The following CCDC126 variants were observed in gnomAD, a reference collection of about 807,000 sequenced individuals.
The protein encoded by CCDC126 is coiled-coil domain containing 126, also known as coiled-coil domain-containing protein 126.
CCDC126 carries 5 observed loss-of-function variants against 11.7 expected under a neutral mutation model. The observed-to-expected ratio is 0.43, with a 90% CI of 0.22 to 0.90. The LOEUF is 0.90. CCDC126 is among the 40% of genes least tolerant of loss of function. The probability of loss-of-function intolerance (pLI) is 0.27; values close to 1 mark genes in which losing one functional copy is unlikely to be tolerated. For missense variants in CCDC126, 150 were observed against 163.1 expected (o/e 0.92, Z 0.44); for synonymous variants, 60 against 61.9 (o/e 0.97, Z 0.14).
intron 3 of CCDC126, among the ~76,000 whole-genome samples, chr7:23,637,800 A>C (rs1296182230): frequency 7.4e-5 from 1 of 13,532 alleles, no homozygotes; most frequent in South Asian, 3.4e-3. Flanking sequence ...GGAGGCGGGG[A>C]GGGGGGGGTC....
intron 3 of CCDC126, among the ~76,000 whole-genome samples, chr7:23,641,980 G>C (rs1480132130): frequency 6.6e-6 from 1 of 152,152 alleles, no homozygotes; most frequent in Admixed American, 6.5e-5. Context: ...TTCTTAGCTA[G>C]CTTTTTAGTT....
At chr7:23,620,211 G>A (rs1185203668) in intron 3 of CCDC126, among the ~76,000 whole-genome samples, 5 of 152,288 alleles carry the variant, frequency 3.3e-5, no homozygotes, top group Non-Finnish European at 5.9e-5. Context: ...GTGTAAAAGT[G>A]TTCCTATTTC....
chr7:23,617,129 C>A (rs1782806415), intron 3 of CCDC126, among the ~76,000 whole-genome samples: 1 of 151,842 alleles, frequency 6.6e-6, no homozygotes, highest in Non-Finnish European at 1.5e-5. Context: ...AGGTGGGTCA[C>A]TTGACGTTAG....
At chr7:23,633,780 G>A (rs1783156641) in intron 3 of CCDC126, among the ~76,000 whole-genome samples, 2 of 152,030 alleles carry the variant, frequency 1.3e-5, no homozygotes, top group Non-Finnish European at 2.9e-5. Context: ...CCTGAGCCCC[G>A]AGGTCGAGGC....
intron 2 of CCDC126, among the ~76,000 whole-genome samples, chr7:23,607,036 C>T (rs780298187): frequency 2.0e-5 from 3 of 152,136 alleles, no homozygotes; most frequent in Non-Finnish European, 4.4e-5. Context: ...AAGGCCGAGG[C>T]TGCAGTGAGC....
In CCDC126 at chr7:23,639,562, A is replaced by G. The variant is rs183707268; in HGVS notation, c.239-3369A>G. Among the ~76,000 whole-genome samples, 371 of 152,338 alleles carry G rather than the reference A, an allele frequency of 2.4e-3. 5 individuals carry two copies. Among genetic ancestry groups the G allele is most frequent in the South Asian group, 0.021 (100 of 4,826 alleles). ...CTTTTTGGTACCATCTGAAAGAAGT[A>G]TATATCATGATATTTCATTCCTGGG... On this transcript the variant is annotated intron_variant, in intron 3 of 3. Coordinates refer to ENST00000307471, the MANE Select transcript of CCDC126 (RefSeq NM_138771.4).
intron 3 of CCDC126, among the ~76,000 whole-genome samples, chr7:23,637,618 T>C (rs566962356): frequency 0.09 from 323 of 3,576 alleles, 4 homozygotes; most frequent in African/African-American, 0.16. Context: ...AGTGAGGAGC[T>C]CCTCTGCCCG....
chr7:23,603,095 TCTTTTTTCTGGAAGTGTGTTATCA>T (rs1455201005), intron 2 of CCDC126, among the ~76,000 whole-genome samples: 1 of 152,174 alleles, frequency 6.6e-6, no homozygotes, highest in Non-Finnish European at 1.5e-5. Flanking sequence ...CACCTCCAAT[TCTTTTTTCTGGAAGTGTGTTATCA>T]CTATGTTTAC....
intron 3 of CCDC126, among the ~76,000 whole-genome samples, chr7:23,640,116 G>A (rs1783327351): frequency 6.6e-6 from 1 of 152,048 alleles, no homozygotes; most frequent in Non-Finnish European, 1.5e-5. Context: ...CTGGGAGGTG[G>A]AGGTTGCAGT....
intron 2 of CCDC126, among the ~76,000 whole-genome samples, chr7:23,609,635 A>G (rs956853415): frequency 6.6e-6 from 1 of 152,178 alleles, no homozygotes; most frequent in African/African-American, 2.4e-5. Context: ...TGGGAGGCTG[A>G]GGCAGGTGGA....
At chr7:23,642,329 G>A (rs1783376829) in intron 3 of CCDC126, among the ~76,000 whole-genome samples, 1 of 152,052 alleles carries the variant, frequency 6.6e-6, no homozygotes. Context: ...AGAAACTCAA[G>A]GTAAATGAGT....
At chr7:23,603,299 T>C (rs1782571920) in intron 2 of CCDC126, among the ~76,000 whole-genome samples, 1 of 152,266 alleles carries the variant, frequency 6.6e-6, no homozygotes, top group Admixed American at 6.5e-5. Flanking sequence ...TACAGTTTAC[T>C]TGAAACTTTA....
In CCDC126 at chr7:23,597,620, G is replaced by A. The variant is rs911186010; in HGVS notation, c.-231+15G>A. ...CCCACGGCCAGGTAATGAGTAAGGGGCGAGTCCGCCAGCCGGGCCCGCACC... is the reference window on the plus strand; with the variant it reads ...CCCACGGCCAGGTAATGAGTAAGGGACGAGTCCGCCAGCCGGGCCCGCACC... On this transcript the variant is annotated intron_variant, in intron 1 of 3. Coordinates refer to ENST00000307471, the MANE Select transcript of CCDC126 (RefSeq NM_138771.4). The A allele has an allele frequency of 6.6e-6, 1 of 152,326 alleles. No homozygotes were observed. Among genetic ancestry groups the A allele is most frequent in the African/African-American group, 2.4e-5 (1 of 41,444 alleles). The allele number at this position is 152,326 out of a possible 1,614,324, so 9.4% of individuals were successfully genotyped here.
chr7:23,604,856 G>C (rs945089522), intron 2 of CCDC126, among the ~76,000 whole-genome samples: 3 of 151,964 alleles, frequency 2.0e-5, no homozygotes, highest in African/African-American at 7.3e-5. Context: ...AAATTAGCCG[G>C]GTGTGGTGGC....
intron 3 of CCDC126, among the ~76,000 whole-genome samples, chr7:23,621,564 T>C (rs1782897814): frequency 6.6e-6 from 1 of 151,978 alleles, no homozygotes; most frequent in Admixed American, 6.6e-5. Flanking sequence ...AATTGAATAC[T>C]CTTTATTTCT....
chr7:23,621,338 G>T (rs1375745314), intron 3 of CCDC126, among the ~76,000 whole-genome samples: 2 of 152,226 alleles, frequency 1.3e-5, no homozygotes, highest in East Asian at 3.9e-4. Context: ...TCTCTTTGAA[G>T]CAATTGTGAA....
chr7:23,634,733 T>C (rs1186434888), intron 3 of CCDC126, among the ~76,000 whole-genome samples: 1 of 152,152 alleles, frequency 6.6e-6, no homozygotes, highest in African/African-American at 2.4e-5. Context: ...AGGTATTTTT[T>C]CCCCTCCGTC....
chr7:23,619,066 C>A (rs1178430711), intron 3 of CCDC126, among the ~76,000 whole-genome samples: 2 of 152,158 alleles, frequency 1.3e-5, no homozygotes, highest in Non-Finnish European at 2.9e-5. Context: ...TCACTACCTT[C>A]ATTTACTCTT....
chr7:23,611,488 A>C lies in CCDC126; in HGVS notation c.173A>C (p.Lys58Thr). 2 of 1,614,084 alleles carry C rather than the reference A, an allele frequency of 1.2e-6. No homozygotes were observed. The highest frequency in any genetic ancestry group is 1.7e-6 in the Non-Finnish European group (2 of 1,179,980). Residue 58 changes from lysine (K) to threonine (T), a missense_variant, in exon 3 of 4, where the codon AAA (lysine) becomes ACA (threonine). By Grantham distance (78) the Lys-to-Thr change is moderately conservative. Coordinates refer to ENST00000307471, the MANE Select transcript of CCDC126 (RefSeq NM_138771.4). ...QILDLSKRYV[K>T]ALAEENKNTV... ...CTAGACTTAAGCAAAAGATATGTTA[A>C]AGCTCTAGCAGAGGAAAATAAGAAC...
Sources: allele counts gnomAD v4.1 joint callset (sites outside exome capture counted in the v4.1 genomes callset), GRCh38; gene constraint gnomAD v4.1.1; transcripts MANE v1.5; gene names NCBI Gene and HGNC (gene_info 2026-07-23, HGNC 2026-07-21).